TRPC6: variants seen among roughly 807,000 people sequenced by gnomAD.
TRPC6 encodes transient receptor potential cation channel subfamily C member 6, also known as short transient receptor potential channel 6.
In TRPC6, 55 loss-of-function variants were observed where a neutral mutation model predicts 90.7. The observed-to-expected ratio is 0.61, with a 90% CI of 0.49 to 0.76. The LOEUF is 0.76. Ranked by LOEUF, TRPC6 falls within the 30% of genes least tolerant of loss-of-function variation. TRPC6 has a pLI of 0.00. For synonymous variants in TRPC6, 393 were observed against 393.0 expected (o/e 1.00, Z 0.00); for missense variants, 989 against 1,122.7 (o/e 0.88, Z 1.70).
intron 1 of TRPC6, among the ~76,000 whole-genome samples, chr11:101,568,204 C>A (rs137999010): frequency 2.5e-4 from 38 of 152,046 alleles, no homozygotes. Flanking sequence ...AAACACAGCA[C>A]GAGAACTTCG....
intron 6 of TRPC6, among the ~76,000 whole-genome samples, chr11:101,475,462 A>G (rs1015490857): frequency 6.6e-6 from 1 of 152,144 alleles, no homozygotes; most frequent in Non-Finnish European, 1.5e-5. Context: ...TTTCAAGTAT[A>G]CAGTACAGTA....
intron 1 of TRPC6, among the ~76,000 whole-genome samples, chr11:101,539,628 A>T (rs974810042): frequency 1.3e-5 from 2 of 152,256 alleles, no homozygotes; most frequent in Non-Finnish European, 2.9e-5. Flanking sequence ...AGACATTTTT[A>T]AAAACTATGC....
rs551308407 is a variant in TRPC6 at position 101,487,923 on chromosome 11, T to C, written c.1293+1014A>G. 2.0e-5 allele frequency among the ~76,000 whole-genome samples: 3 copies of C among 152,332 alleles called. No homozygotes were observed. In the South Asian group the frequency reaches 6.2e-4, roughly 32 times the overall value. ...TGAGTCATTTTGAACAGCCCTAATA[T>C]GGCTAAAACACCAAAAATATGACAA... On this transcript the variant is annotated intron_variant, in intron 4 of 12. Transcript: ENST00000344327.
At chr11:101,581,923 T>G (rs1862205971) in intron 1 of TRPC6, among the ~76,000 whole-genome samples, 1 of 152,204 alleles carries the variant, frequency 6.6e-6, no homozygotes, top group Non-Finnish European at 1.5e-5. Flanking sequence ...AAGTCTGTAC[T>G]ATGAGACATA....
rs766485406 is a variant in TRPC6 at position 101,471,289 on chromosome 11, G to A, written c.2303C>T (p.Pro768Leu). The change falls in exon 9 of 13, where the codon CCG (proline) becomes CTG (leucine). Residue 768 changes from proline (P) to leucine (L), a missense_variant. Coordinates refer to ENST00000344327, the MANE Select transcript of TRPC6 (RefSeq NM_004621.6). ...RTLPVPFNLV[P>L]SPKSLFYLLL... ...GAGATAAAACAGGGACTTTGGACTC[G>A]GCACCAGATTGAAGGGTACAGGAAG... The A allele has an allele frequency of 1.1e-5, 18 of 1,613,740 alleles. No homozygotes were observed. The highest frequency in any genetic ancestry group is 3.3e-4 in the Middle Eastern group (2 of 6,084).
intron 1 of TRPC6, among the ~76,000 whole-genome samples, chr11:101,533,704 G>A (rs554839877): frequency 1.2e-4 from 19 of 152,208 alleles, no homozygotes; most frequent in Non-Finnish European, 2.2e-4. Flanking sequence ...AGTTTTGGCC[G>A]TTATTTTTTT....
intron 3 of TRPC6, among the ~76,000 whole-genome samples, chr11:101,490,120 A>C (rs1017870302): frequency 1.3e-5 from 2 of 152,230 alleles, no homozygotes; most frequent in African/African-American, 4.8e-5. Flanking sequence ...GCAAGTAAGC[A>C]AGCTATATCA....
chr11:101,463,543 G>A (rs182077660), intron 10 of TRPC6, among the ~76,000 whole-genome samples: 23 of 152,284 alleles, frequency 1.5e-4, no homozygotes, highest in Non-Finnish European at 2.9e-4. Context: ...TTGAGAGGGT[G>A]TATGTGTCCA....
chr11:101,471,452 C>T, intron 8 of TRPC6, 66 bp from the exon 9 acceptor site: 1 of 1,537,966 alleles, frequency 6.5e-7, no homozygotes. Context: ...ATGCTTTTAA[C>T]ATTGTGTAGC....
intron 1 of TRPC6, among the ~76,000 whole-genome samples, chr11:101,561,550 C>T (rs1318545981): frequency 3.3e-5 from 5 of 151,986 alleles, no homozygotes; most frequent in Non-Finnish European, 5.9e-5. Context: ...CTACATCTGA[C>T]CCAAGAGCTC....
intron 1 of TRPC6, among the ~76,000 whole-genome samples, chr11:101,511,030 G>A (rs543023335): frequency 6.3e-4 from 96 of 152,216 alleles, no homozygotes; most frequent in Non-Finnish European, 1.2e-3. Flanking sequence ...GTAGTCAGCC[G>A]TAAGCGTAAT....
rs188576496 is a variant in TRPC6 at position 101,546,135 on chromosome 11, A to G, written c.170+37199T>C. On this transcript the variant is annotated intron_variant, in intron 1 of 12. Transcript: ENST00000344327. ...GCCGGACTGCGGACTGCAGTGGCGC[A>G]ATCTCGGCTCACTGCAAGCTCCGCT... Among the ~76,000 whole-genome samples, 4 of 55,256 alleles carry G rather than the reference A, an allele frequency of 7.2e-5. 1 individual carries two copies. The highest frequency in any genetic ancestry group is 2.3e-4 in the African/African-American group (3 of 12,848). 36.3% of individuals were successfully genotyped at this position (55,256 alleles called of 152,430 possible). A position where few individuals can be genotyped will look rare whatever the true frequency, so the allele number is the denominator to read the frequency against.
At chr11:101,570,060 C>CA (rs1162623491) in intron 1 of TRPC6, among the ~76,000 whole-genome samples, 1 of 151,894 alleles carries the variant, frequency 6.6e-6, no homozygotes, top group African/African-American at 2.4e-5. Flanking sequence ...AAAAACCCTT[C>CA]AAAAAAATTC....
chr11:101,471,488 A>C (rs1184121667), intron 8 of TRPC6, 102 bp from the exon 9 acceptor site: 1 of 1,185,966 alleles, frequency 8.4e-7, no homozygotes, highest in Non-Finnish European at 1.2e-6. Context: ...GCCTATAAAC[A>C]CTCTCAGACC....
chr11:101,475,883 T>A (rs1169958032), intron 6 of TRPC6, among the ~76,000 whole-genome samples: 1 of 151,920 alleles, frequency 6.6e-6, no homozygotes, highest in Non-Finnish European at 1.5e-5. Flanking sequence ...CATATACATA[T>A]ATACACGTGT....
chr11:101,563,662 G>A (rs958585984), intron 1 of TRPC6, among the ~76,000 whole-genome samples: 1 of 152,046 alleles, frequency 6.6e-6, no homozygotes, highest in Non-Finnish European at 1.5e-5. Context: ...AGGATAAAGA[G>A]GATGGGAATA....
chr11:101,582,774 G>A (rs1591156024), intron 1 of TRPC6, among the ~76,000 whole-genome samples: 1 of 152,088 alleles, frequency 6.6e-6, no homozygotes, highest in South Asian at 2.1e-4. Flanking sequence ...CCCCAGGACC[G>A]GGGAGAGGTC....
At chr11:101,542,187 A>G (rs1255170399) in intron 1 of TRPC6, among the ~76,000 whole-genome samples, 2 of 152,220 alleles carry the variant, frequency 1.3e-5, no homozygotes, top group African/African-American at 4.8e-5. Context: ...TCAAGGATAG[A>G]TGAGACACGG....
intron 5 of TRPC6, among the ~76,000 whole-genome samples, chr11:101,480,577 C>A (rs577822950): frequency 6.6e-6 from 1 of 152,110 alleles, no homozygotes; most frequent in East Asian, 1.9e-4. Context: ...AAATTCTTTA[C>A]CCCTTATAGA....
Sources: allele counts gnomAD v4.1 joint callset (sites outside exome capture counted in the v4.1 genomes callset), GRCh38; gene constraint gnomAD v4.1.1; transcripts MANE v1.5; gene names NCBI Gene and HGNC (gene_info 2026-07-23, HGNC 2026-07-21).